DSC2: variants seen among roughly 807,000 people sequenced by gnomAD.
The protein encoded by DSC2 is desmocollin-2.
In DSC2, 51 loss-of-function variants were observed where a neutral mutation model predicts 87.6. That is an observed-to-expected ratio of 0.58 (90% CI 0.46 to 0.74). DSC2 has a LOEUF of 0.74. DSC2 is among the 30% of genes least tolerant of loss of function. DSC2 has a pLI of 0.00. For synonymous variants in DSC2, 383 were observed against 393.2 expected (o/e 0.97, Z 0.31); for missense variants, 1,066 against 1,089.5 (o/e 0.98, Z 0.30).
Position 31,068,272 on chromosome 18 carries a change from A to G in DSC2, c.2509-60T>C, listed in dbSNP as rs1360576929. ...ATTATTTTAAACACCAAAATTTACT[A>G]ACATAAAAGTAATTGCTTTGATTTA... is the stretch of plus-strand genomic sequence containing the variant. On this transcript the variant is annotated intron_variant, in intron 15 of 15. Transcript: ENST00000280904. 5 of 1,612,740 alleles carry G rather than the reference A, an allele frequency of 3.1e-6. No homozygotes were observed. In the South Asian group the frequency reaches 5.5e-5, roughly 18 times the overall value.
intron 14 of DSC2, among the ~76,000 whole-genome samples, chr18:31,070,378 T>A (rs1397173141): frequency 6.6e-6 from 1 of 152,228 alleles, no homozygotes; most frequent in African/African-American, 2.4e-5. Flanking sequence ...TGTAAAACCA[T>A]GTTGGTAAAC....
chr18:31,093,497 T>G, intron 2 of DSC2, 62 bp downstream of exon 2: 4 of 1,309,202 alleles, frequency 3.1e-6, no homozygotes, highest in Non-Finnish European at 4.4e-6. Context: ...CTGTGTAGTA[T>G]TCCATGGCGT....
rs1395724434 is a variant in DSC2 at position 31,091,599 on chromosome 18, C to A, written c.355-452G>T. On this transcript the variant is annotated intron_variant, in intron 3 of 15. Transcript: ENST00000280904. ...CAGAATGAGGAGAGAAACACGGTGACAACTCTCAAACTGCTGCAGTGAGGA... is the reference window on the plus strand; with the variant it reads ...CAGAATGAGGAGAGAAACACGGTGAAAACTCTCAAACTGCTGCAGTGAGGA... 4.1e-5 allele frequency: 19 copies of A among 458,588 alleles called. No individual in the cohort carries two copies. In the Admixed American group the frequency reaches 4.5e-4, roughly 11 times the overall value. The allele number at this position is 458,588 out of a possible 1,614,324, so 28.4% of individuals were successfully genotyped here.
At chr18:31,071,992 G>C in intron 12 of DSC2, 151 bp from the exon 13 acceptor site, 1 of 760,008 alleles carries the variant, frequency 1.3e-6, no homozygotes, top group Non-Finnish European at 2.2e-6. Flanking sequence ...AATGTGAATG[G>C]CTAGAGTAGT....
At position 31,066,048 on chromosome 18, in the gene DSC2, A is replaced by T. The variant is rs1411524469; in HGVS notation, c.*1967T>A. 1.3e-5 allele frequency: 2 copies of T among 152,124 alleles called. No individual in the cohort carries two copies. The highest frequency in any genetic ancestry group is 2.9e-5 in the Non-Finnish European group (2 of 68,024). The allele number at this position is 152,124 out of a possible 1,614,324, so 9.4% of individuals were successfully genotyped here. On this transcript the variant is annotated 3_prime_UTR_variant, in exon 16 of 16. Transcript: ENST00000280904. ...GCTCTGTATGACTCTCATGCTTCAA[A>T]ACTATTTTTTATTCAAGTGACTTAC...
At position 31,067,060 on chromosome 18, in the gene DSC2, T is replaced by C. The variant is rs1986644765; in HGVS notation, c.*955A>G. The C allele has an allele frequency of 6.6e-6, 1 of 152,066 alleles. No individual in the cohort carries two copies. Among genetic ancestry groups the C allele is most frequent in the Non-Finnish European group, 1.5e-5 (1 of 67,976 alleles). The allele number at this position is 152,066 out of a possible 1,614,324, so 9.4% of individuals were successfully genotyped here. ...TTTCAATGGCAAAATTAAAGGTTTT[T>C]TTTGTTGAAGAGATAATGAAGCAAT... On this transcript the variant is annotated 3_prime_UTR_variant, in exon 16 of 16. Coordinates refer to ENST00000280904, the MANE Select transcript of DSC2 (RefSeq NM_024422.6).
Position 31,060,294 on chromosome 18 carries a change from T to C in DSC2, c.*7721A>G, listed in dbSNP as rs990416957. 5.5e-5 allele frequency: 1 copy of C among 18,268 alleles called. No homozygotes were observed. Among genetic ancestry groups the C allele is most frequent in the African/African-American group, 2.1e-4 (1 of 4,656 alleles). 1.1% of individuals were successfully genotyped at this position (18,268 alleles called of 1,614,324 possible). The stretch of plus-strand genomic sequence containing the variant: ...TTCATTGGTAATTCTGCATCACATC[T>C]TGTGTATATTGACACCCTCTGCTCC... On this transcript the variant is annotated 3_prime_UTR_variant, in exon 16 of 16. Coordinates refer to ENST00000280904, the MANE Select transcript of DSC2 (RefSeq NM_024422.6).
rs1060502991 is a variant in DSC2, at chr18:31,082,309, C to T, written c.1192G>A (p.Gly398Ser). The change falls in exon 9 of 16, where the codon GGC becomes AGC. Residue 398 changes from glycine (G) to serine (S), a missense_variant. By Grantham distance (56) the Gly-to-Ser change is moderately conservative. Coordinates refer to ENST00000280904, the MANE Select transcript of DSC2 (RefSeq NM_024422.6). ...NWRANYTILKGNENGNFKIVT... is the reference protein window; with the variant it reads ...NWRANYTILKSNENGNFKIVT... ...ATTTTAAAATTGCCATTTTCATTGC[C>T]CTTTAAAATGGTATAATTAGCTCTC... 4.3e-6 allele frequency: 7 copies of T among 1,613,692 alleles called. No homozygotes were observed. Among genetic ancestry groups the T allele is most frequent in the Non-Finnish European group, 5.9e-6 (7 of 1,179,872 alleles).
chr18:31,084,815 C>T (rs1230164636), intron 7 of DSC2, among the ~76,000 whole-genome samples: 1 of 151,940 alleles, frequency 6.6e-6, no homozygotes, highest in Non-Finnish European at 1.5e-5. Context: ...TTGGAGATTT[C>T]AAACAAAAAT....
intron 15 of DSC2, 117 bp downstream of exon 15, chr18:31,068,777 A>C: frequency 1.5e-6 from 2 of 1,327,454 alleles, no homozygotes; most frequent in Non-Finnish European, 2.1e-6. Context: ...AATAGCTTTC[A>C]ATTAGTAGAA....
chr18:31,101,992 C>G lies in DSC2; in HGVS notation c.-21G>C, dbSNP rs1223995999. ...TCCATGGAGAGGGCTCGGGGCAGGT[C>G]GCGGGCCGAGCGTCGGGCCGGGGTA... On this transcript the variant is annotated 5_prime_UTR_variant, in exon 1 of 16. Coordinates refer to ENST00000280904, the MANE Select transcript of DSC2 (RefSeq NM_024422.6). 3 of 1,491,496 alleles carry G rather than the reference C, an allele frequency of 2.0e-6. No homozygotes were observed. The highest frequency in any genetic ancestry group is 2.7e-6 in the Non-Finnish European group (3 of 1,124,728). 92.4% of individuals were successfully genotyped at this position (1,491,496 alleles called of 1,614,324 possible). A position where few individuals can be genotyped will look rare whatever the true frequency, so the allele number is the denominator to read the frequency against.
intron 9 of DSC2, 40 bp downstream of exon 9, chr18:31,082,195 TATG>T (rs779651980): frequency 3.9e-6 from 6 of 1,557,252 alleles, no homozygotes; most frequent in African/African-American, 1.4e-5. Context: ...CATGCTATTC[TATG>T]ATATTATAAA....
chr18:31,079,952 T>C lies in DSC2; in HGVS notation c.1558A>G (p.Ile520Val), dbSNP rs529156029. Residue 520 changes from isoleucine (I) to valine (V), a missense_variant, in exon 11 of 16, where the codon ATT becomes GTT. Transcript: ENST00000280904. ...KLTDPTGWVT[I>V]DENTGSIKVF... Reference sequence around the variant, plus strand: ...TTGATTGATCCTGTATTTTCATCAATGGTGACCCACCCTGTTGGATCAGTT... The same window carrying C: ...TTGATTGATCCTGTATTTTCATCAACGGTGACCCACCCTGTTGGATCAGTT... The C allele has an allele frequency of 6.2e-6, 10 of 1,614,042 alleles. No homozygotes were observed. The highest frequency in any genetic ancestry group is 2.2e-5 in the East Asian group (1 of 44,854).
At position 31,062,703 on chromosome 18, in the gene DSC2, A is replaced by G. The variant is rs913954717; in HGVS notation, c.*5312T>C. The stretch of plus-strand genomic sequence containing the variant: ...TATGGGGCAATTATTGGTGGCTACA[A>G]GTAGGTTCGTGCAATTATTGGTGGT... On this transcript the variant is annotated 3_prime_UTR_variant, in exon 16 of 16. Coordinates refer to ENST00000280904, the MANE Select transcript of DSC2 (RefSeq NM_024422.6). The G allele has an allele frequency of 2.6e-5, 4 of 152,202 alleles. No homozygotes were observed. The highest frequency in any genetic ancestry group is 5.9e-5 in the Non-Finnish European group (4 of 68,056). The allele number at this position is 152,202 out of a possible 1,614,324, so 9.4% of individuals were successfully genotyped here. A position where few individuals can be genotyped will look rare whatever the true frequency, so the allele number is the denominator to read the frequency against.
intron 4 of DSC2, among the ~76,000 whole-genome samples, chr18:31,090,738 T>G (rs1023154290): frequency 6.6e-6 from 1 of 152,186 alleles, no homozygotes; most frequent in African/African-American, 2.4e-5. Context: ...CAAGAGAGTT[T>G]TGGGTTTTCT....
intron 5 of DSC2, among the ~76,000 whole-genome samples, chr18:31,089,213 G>GA (rs932289309): frequency 5.4e-5 from 8 of 148,782 alleles, no homozygotes; most frequent in South Asian, 2.2e-4. Context: ...TGTTGTGGGG[G>GA]AAAAAAAAAT....
chr18:31,073,815 T>A (rs1986913508), intron 12 of DSC2, among the ~76,000 whole-genome samples: 1 of 152,184 alleles, frequency 6.6e-6, no homozygotes, highest in East Asian at 1.9e-4. Context: ...TCACTGTAGA[T>A]CCTTCTGGGC....
Position 31,061,325 on chromosome 18 carries a change from C to G in DSC2, c.*6690G>C, listed in dbSNP as rs1986496432. The G allele has an allele frequency of 6.6e-6, 1 of 152,322 alleles. No homozygotes were observed. The highest frequency in any genetic ancestry group is 2.1e-4 in the South Asian group (1 of 4,822). 9.4% of individuals were successfully genotyped at this position (152,322 alleles called of 1,614,324 possible). On this transcript the variant is annotated 3_prime_UTR_variant, in exon 16 of 16. Transcript: ENST00000280904. ...GCTAGCAGAAACTCCACAATTCTAA[C>G]CTCTCAGCTATGCCCAGATTTTCTG...
At chr18:31,088,736 C>T (rs999539914) in intron 5 of DSC2, among the ~76,000 whole-genome samples, 90 of 152,226 alleles carry the variant, frequency 5.9e-4, no homozygotes, top group African/African-American at 2.0e-3. Flanking sequence ...CTGTCACACC[C>T]CCTACCTGCT....
Sources: gnomAD v4.1 joint callset for allele counts (sites outside exome capture counted in the v4.1 genomes callset) on GRCh38, gnomAD v4.1.1 for gene constraint, MANE v1.5 for transcripts, NCBI Gene and HGNC (gene_info 2026-07-23, HGNC 2026-07-21) for gene names.